ATP9A: variants seen among roughly 807,000 people sequenced by gnomAD.
The protein encoded by ATP9A is ATPase phospholipid transporting 9A, also known as probable phospholipid-transporting ATPase IIA.
Under a neutral mutation model 144.1 loss-of-function variants are expected in ATP9A, and 52 were observed. The observed-to-expected ratio is 0.36, with a 90% CI of 0.29 to 0.45. The LOEUF (loss-of-function observed/expected upper bound fraction) is 0.45, where lower values mean the gene tolerates loss of function less well. Among genes scored for constraint, ATP9A ranks in the 20% least tolerant of loss-of-function variants. The pLI, the probability that ATP9A is intolerant of heterozygous loss-of-function variation, is 1.00. For synonymous variants in ATP9A, 582 were observed against 557.4 expected, an observed-to-expected ratio of 1.04 and a Z score of -0.62; for missense variants, 947 against 1,392.7, an observed-to-expected ratio of 0.68 and a Z score of 5.09.
chr20:51,658,896 G>GGGGGC (rs2077399719), intron 13 of ATP9A, among the ~76,000 whole-genome samples: 1 of 118,044 alleles, frequency 8.5e-6, no homozygotes, highest in Non-Finnish European at 1.8e-5. Flanking sequence ...GGCGGGGGGG[G>GGGGGC]GGGGGGGAAG....
At chr20:51,609,887 A>G (rs529767455) in intron 24 of ATP9A, among the ~76,000 whole-genome samples, 3 of 152,192 alleles carry the variant, frequency 2.0e-5, no homozygotes, top group African/African-American at 7.2e-5. Context: ...ACACATCTCC[A>G]ACTCCACTTC....
At chr20:51,627,245 T>G (rs550681777) in intron 17 of ATP9A, among the ~76,000 whole-genome samples, 1 of 152,298 alleles carries the variant, frequency 6.6e-6, no homozygotes, top group South Asian at 2.1e-4. Context: ...AGACATATTT[T>G]TTGGCCCCAA....
intron 27 of ATP9A, among the ~76,000 whole-genome samples, chr20:51,603,697 A>T (rs1206923678): frequency 6.6e-6 from 1 of 152,212 alleles, no homozygotes; most frequent in Admixed American, 6.5e-5. Flanking sequence ...TACTGAGGTC[A>T]GAGAAATCTG....
intron 16 of ATP9A, 145 bp downstream of exon 16, chr20:51,628,834 TG>T (rs2077259995): frequency 1.5e-6 from 1 of 665,898 alleles, no homozygotes; most frequent in South Asian, 2.0e-5. Context: ...ATATATTAAA[TG>T]GGTGCTGCTT....
At chr20:51,655,602 A>T (rs2077383675) in intron 14 of ATP9A, among the ~76,000 whole-genome samples, 1 of 152,212 alleles carries the variant, frequency 6.6e-6, no homozygotes, top group Non-Finnish European at 1.5e-5. Flanking sequence ...ACTGACTAGA[A>T]CGTCCAGAAT....
At chr20:51,639,002 T>A (rs2077307224) in intron 15 of ATP9A, among the ~76,000 whole-genome samples, 1 of 151,880 alleles carries the variant, frequency 6.6e-6, no homozygotes, top group South Asian at 2.1e-4. Context: ...CACTGAAGTT[T>A]TCACTTTAAA....
intron 12 of ATP9A, among the ~76,000 whole-genome samples, chr20:51,670,522 C>A (rs1004498064): frequency 6.6e-6 from 1 of 152,340 alleles, no homozygotes; most frequent in Admixed American, 6.5e-5. Context: ...CTAATGCTGA[C>A]TTAACCAGAA....
intron 9 of ATP9A, among the ~76,000 whole-genome samples, chr20:51,688,545 T>C (rs1185233288): frequency 1.4e-4 from 22 of 151,896 alleles, no homozygotes; most frequent in Non-Finnish European, 1.5e-5. Context: ...TGAGCCAAGA[T>C]TGTGCCACTG....
At chr20:51,638,074 TATA>T (rs2077301272) in intron 15 of ATP9A, among the ~76,000 whole-genome samples, 4 of 10,170 alleles carry the variant, frequency 3.9e-4, no homozygotes, top group Non-Finnish European at 8.0e-4. Context: ...CATCATTTTA[TATA>T]TATATATATA....
rs1201780489 is a variant in ATP9A, at chr20:51,635,030, C to CA, written c.1668+4312_1668+4313insT. 1.4e-4 allele frequency among the ~76,000 whole-genome samples: 21 copies of CA among 151,644 alleles called. No individual in the cohort carries two copies. In the East Asian group the frequency reaches 3.5e-3, roughly 25 times the overall value. ...GTACTCATGCTGTGTGTCAGCCACC[C>CA]CCCTGGAGTGGAGCTGGGCCTAGTG... On this transcript the variant is annotated intron_variant, in intron 15 of 27. Transcript: ENST00000338821.
chr20:51,649,839 G>A (rs1400871860), intron 14 of ATP9A, among the ~76,000 whole-genome samples: 2 of 151,498 alleles, frequency 1.3e-5, no homozygotes, highest in Admixed American at 6.6e-5. Context: ...CTTGTACCTG[G>A]GAGGCGGAGG....
chr20:51,649,624 G>A (rs1391237495), intron 14 of ATP9A, among the ~76,000 whole-genome samples: 1 of 152,134 alleles, frequency 6.6e-6, no homozygotes, highest in African/African-American at 2.4e-5. Context: ...GCTTAAAATC[G>A]CACAGCTAGG....
chr20:51,710,589 T>C (rs1017439449), intron 4 of ATP9A, among the ~76,000 whole-genome samples: 2 of 152,194 alleles, frequency 1.3e-5, no homozygotes, highest in Non-Finnish European at 2.9e-5. Flanking sequence ...GTTTCTTCAG[T>C]GTTTTGCTGG....
At chr20:51,706,244 CAT>C (rs1372087882) in intron 4 of ATP9A, among the ~76,000 whole-genome samples, 2 of 152,214 alleles carry the variant, frequency 1.3e-5, no homozygotes, top group Non-Finnish European at 2.9e-5. Context: ...CCTCCTGGCA[CAT>C]AGTAGGTAAC....
chr20:51,764,659 C>T (rs1407395945), intron 1 of ATP9A, among the ~76,000 whole-genome samples: 1 of 152,130 alleles, frequency 6.6e-6, no homozygotes, highest in Non-Finnish European at 1.5e-5. Flanking sequence ...TGCCTCCTCT[C>T]ACAACCTCCA....
chr20:51,631,190 T>A (rs1382045677), intron 15 of ATP9A, among the ~76,000 whole-genome samples: 1 of 152,192 alleles, frequency 6.6e-6, no homozygotes, highest in Non-Finnish European at 1.5e-5. Context: ...AGTTTCCTCT[T>A]TTAGAATAAC....
intron 4 of ATP9A, among the ~76,000 whole-genome samples, chr20:51,703,951 A>C (rs2122838167): frequency 6.6e-6 from 1 of 152,096 alleles, no homozygotes; most frequent in East Asian, 1.9e-4. Context: ...GACAGTGATG[A>C]GTTGTAAATT....
chr20:51,767,400 T>G lies in ATP9A; in HGVS notation c.68+902A>C, dbSNP rs1248615505. Among the ~76,000 whole-genome samples, 3 of 113,324 alleles carry G rather than the reference T, an allele frequency of 2.6e-5. No individual in the cohort carries two copies. In the East Asian group the frequency reaches 7.9e-4, roughly 30 times the overall value. 74.3% of individuals were successfully genotyped at this position (113,324 alleles called of 152,430 possible). ...GCATTTGCACCAGCGCCCACCCCCGTCCTTCCCACCCCCGCCCCTCACGCC... is the reference window on the plus strand; with the variant it reads ...GCATTTGCACCAGCGCCCACCCCCGGCCTTCCCACCCCCGCCCCTCACGCC... On this transcript the variant is annotated intron_variant, in intron 1 of 27. Transcript: ENST00000338821.
chr20:51,668,498 G>A (rs1227274942), intron 13 of ATP9A, among the ~76,000 whole-genome samples: 1 of 152,068 alleles, frequency 6.6e-6, no homozygotes, highest in Non-Finnish European at 1.5e-5. Context: ...GAAGCAGGGT[G>A]AGGGGCCATC....
Sources: gnomAD v4.1 joint callset for allele counts (sites outside exome capture counted in the v4.1 genomes callset) on GRCh38, gnomAD v4.1.1 for gene constraint, MANE v1.5 for transcripts, NCBI Gene and HGNC (gene_info 2026-07-23, HGNC 2026-07-21) for gene names.